The following NWD1 variants were observed in gnomAD, a reference collection of about 807,000 sequenced individuals.
The protein encoded by NWD1 is NACHT and WD repeat domain containing 1.
NWD1 carries 129 observed loss-of-function variants against 135.1 expected under a neutral mutation model. The ratio of observed to expected loss-of-function variants is 0.96; its 90% CI spans 0.83 to 1.11. NWD1 has a LOEUF of 1.11. NWD1 is among the 50% of genes least tolerant of loss of function. NWD1 has a pLI of 0.00. For synonymous variants in NWD1, 773 were observed against 786.0 expected (o/e 0.98, Z 0.28); for missense variants, 1,740 against 1,851.3 (o/e 0.94, Z 1.10).
chr19:16,751,387 A>G (rs1367481032), intron 6 of NWD1, among the ~76,000 whole-genome samples: 1 of 151,872 alleles, frequency 6.6e-6, no homozygotes, highest in African/African-American at 2.4e-5. Context: ...GAGGGAAGAA[A>G]GGCAGACAGG....
At chr19:16,790,644 AAT>A (rs1970212747) in intron 13 of NWD1, among the ~76,000 whole-genome samples, 2 of 114,152 alleles carry the variant, frequency 1.8e-5, no homozygotes, top group African/African-American at 1.1e-4. Context: ...AAAAAAAATA[AAT>A]AAATAAATAA....
intron 13 of NWD1, among the ~76,000 whole-genome samples, chr19:16,791,084 A>G (rs1970227556): frequency 6.6e-6 from 1 of 151,918 alleles, no homozygotes; most frequent in Non-Finnish European, 1.5e-5. Flanking sequence ...CAAATTTAAA[A>G]ATAGCCAGGC....
intron 5 of NWD1, among the ~76,000 whole-genome samples, chr19:16,745,794 G>A (rs1968288450): frequency 6.6e-6 from 1 of 152,028 alleles, no homozygotes; most frequent in African/African-American, 2.4e-5. Flanking sequence ...GTGCATGCCT[G>A]TAGCCCCAGC....
chr19:16,786,854 G>A (rs2547106), intron 12 of NWD1, among the ~76,000 whole-genome samples: 18,132 of 151,960 alleles, frequency 0.12, 2,024 homozygotes, highest in African/African-American at 0.3. Context: ...GCCCAGCCTG[G>A]GATTACTTTT....
intron 7 of NWD1, among the ~76,000 whole-genome samples, chr19:16,761,555 G>A (rs1239446009): frequency 6.6e-6 from 1 of 151,732 alleles, no homozygotes; most frequent in Non-Finnish European, 1.5e-5. Context: ...TACAGACAGG[G>A]TTTCACCACG....
intron 12 of NWD1, among the ~76,000 whole-genome samples, chr19:16,788,338 G>A (rs1265303528): frequency 6.7e-6 from 1 of 150,148 alleles, no homozygotes; most frequent in African/African-American, 2.4e-5. Flanking sequence ...GGAGGCTCAG[G>A]TGGGTGGATC....
chr19:16,810,302 G>T (rs191937710), intron 18 of NWD1, among the ~76,000 whole-genome samples: 138 of 152,078 alleles, frequency 9.1e-4, no homozygotes, highest in African/African-American at 3.2e-3. Context: ...GCCCTGCATG[G>T]TGGTATGTGC....
chr19:16,757,542 A>G (rs1468153945), intron 6 of NWD1, among the ~76,000 whole-genome samples: 1 of 152,190 alleles, frequency 6.6e-6, no homozygotes, highest in African/African-American at 2.4e-5. Flanking sequence ...ATTCCTCACC[A>G]AGGTCTCCCA....
chr19:16,743,648 C>CCATA lies in NWD1; in HGVS notation c.199-768_199-765dup, dbSNP rs138787149. Among the ~76,000 whole-genome samples the CCATA allele has an allele frequency of 4.2e-3, 637 of 151,392 alleles. 5 individuals are homozygous for CCATA. Among genetic ancestry groups the CCATA allele is most frequent in the African/African-American group, 0.013 (543 of 40,856 alleles). Reference sequence around the variant, plus strand: ...TAAAATTGATTAACAGGAAAAGAAACCATACATATTTATTTATTTATTTAT... The same window carrying CCATA: ...TAAAATTGATTAACAGGAAAAGAAACCATACATACATATTTATTTATTTATTTAT... On this transcript the variant is annotated intron_variant, in intron 4 of 18. Transcript: ENST00000524140.
At chr19:16,771,916 C>T (rs1969427729) in intron 10 of NWD1, among the ~76,000 whole-genome samples, 1 of 151,668 alleles carries the variant, frequency 6.6e-6, no homozygotes, top group Non-Finnish European at 1.5e-5. Context: ...CTGTCTCAGC[C>T]TCCCGAGTAG....
At chr19:16,751,780 G>A (rs1318589520) in intron 6 of NWD1, among the ~76,000 whole-genome samples, 5 of 148,412 alleles carry the variant, frequency 3.4e-5, no homozygotes, top group Admixed American at 6.9e-5. Flanking sequence ...CAGCCTGGGC[G>A]ACAAAGGAAG....
At chr19:16,795,560 G>A (rs1227043330) in intron 15 of NWD1, among the ~76,000 whole-genome samples, 5 of 151,928 alleles carry the variant, frequency 3.3e-5, no homozygotes, top group African/African-American at 4.8e-5. Context: ...GGGATTACAG[G>A]CACCTGCTAC....
intron 17 of NWD1, among the ~76,000 whole-genome samples, chr19:16,805,056 TTTG>T (rs1381260291): frequency 1.3e-5 from 2 of 151,928 alleles, no homozygotes; most frequent in South Asian, 2.1e-4. Context: ...TTATTTTATT[TTTG>T]TTGTTGTTCT....
intron 7 of NWD1, among the ~76,000 whole-genome samples, chr19:16,760,779 C>CTG (rs1568360109): frequency 2.6e-5 from 4 of 151,648 alleles, no homozygotes; most frequent in Admixed American, 2.6e-4. Flanking sequence ...TTAGTAGAGA[C>CTG]GGGTTTCACC....
chr19:16,812,477 T>C (rs920408524), intron 18 of NWD1, among the ~76,000 whole-genome samples: 4 of 151,952 alleles, frequency 2.6e-5, no homozygotes, highest in Non-Finnish European at 5.9e-5. Flanking sequence ...GAGACCAGCC[T>C]GGCCAACATG....
intron 1 of NWD1, among the ~76,000 whole-genome samples, chr19:16,724,123 G>A (rs1189828345): frequency 1.3e-5 from 2 of 152,176 alleles, no homozygotes; most frequent in African/African-American, 4.8e-5. Context: ...AAGGCAGAGA[G>A]GATAGTAAGA....
At chr19:16,772,186 C>T (rs940384948) in intron 10 of NWD1, among the ~76,000 whole-genome samples, 1 of 151,790 alleles carries the variant, frequency 6.6e-6, no homozygotes, top group East Asian at 1.9e-4. Context: ...GGCAACATAA[C>T]GAGACCCCGT....
intron 17 of NWD1, among the ~76,000 whole-genome samples, chr19:16,802,947 C>CAAAAAAAAAAAAAAAAA (rs59153702): frequency 1.2e-5 from 1 of 81,900 alleles, no homozygotes. Context: ...GACTCTGTCT[C>CAAAAAAAAAAAAAAAAA]AAAAAAAAAA....
intron 1 of NWD1, among the ~76,000 whole-genome samples, chr19:16,723,398 C>A (rs1045077511): frequency 3.9e-5 from 6 of 152,106 alleles, no homozygotes; most frequent in African/African-American, 1.4e-4. Flanking sequence ...GGGGTTTCAC[C>A]ATGTTGCCCA....
Sources: gnomAD v4.1 joint callset for allele counts (sites outside exome capture counted in the v4.1 genomes callset) on GRCh38, gnomAD v4.1.1 for gene constraint, MANE v1.5 for transcripts, NCBI Gene and HGNC (gene_info 2026-07-23, HGNC 2026-07-21) for gene names.